The following RFC3 variants were observed in gnomAD, a reference collection of about 807,000 sequenced individuals.
RFC3 encodes the protein replication factor C subunit 3, also known as A1 38 kDa subunit.
Under a neutral mutation model 45.1 loss-of-function variants are expected in RFC3, and 41 were observed. The observed-to-expected ratio is 0.91, with a 90% CI of 0.71 to 1.18. The LOEUF is 1.18. Among genes scored for constraint, RFC3 ranks in the 50% most tolerant of loss-of-function variants. RFC3 has a pLI of 0.00. For synonymous variants in RFC3, 149 were observed against 144.0 expected, an observed-to-expected ratio of 1.03 and a Z score of -0.25; for missense variants, 423 against 428.1, an observed-to-expected ratio of 0.99 and a Z score of 0.10.
intron 8 of RFC3, among the ~76,000 whole-genome samples, chr13:33,881,581 G>A (rs529397700): frequency 2.9e-4 from 44 of 151,858 alleles, no homozygotes; most frequent in Non-Finnish European, 5.3e-4. Flanking sequence ...CTTTCAGTAG[G>A]ATCCGGCCAG....
At chr13:33,885,213 A>G (rs1446556029) in intron 8 of RFC3, among the ~76,000 whole-genome samples, 2 of 152,230 alleles carry the variant, frequency 1.3e-5, no homozygotes, top group South Asian at 2.1e-4. Context: ...CTATCATGGT[A>G]TCACATTATA....
At chr13:33,916,844 T>C (rs1411597182) in intron 8 of RFC3, among the ~76,000 whole-genome samples, 2 of 152,190 alleles carry the variant, frequency 1.3e-5, no homozygotes, top group African/African-American at 2.4e-5. Flanking sequence ...GTATGTGCAC[T>C]AAATGTTTTT....
At chr13:33,952,076 G>A (rs2082994640) in intron 8 of RFC3, among the ~76,000 whole-genome samples, 1 of 152,182 alleles carries the variant, frequency 6.6e-6, no homozygotes, top group African/African-American at 2.4e-5. Flanking sequence ...GCCTACTAAT[G>A]TAAAGCACTG....
At chr13:33,941,113 A>G (rs2082921327) in intron 8 of RFC3, among the ~76,000 whole-genome samples, 1 of 152,148 alleles carries the variant, frequency 6.6e-6, no homozygotes, top group South Asian at 2.1e-4. Context: ...GGATGGAGCT[A>G]TGGGGAATTC....
the RFC3 span, among the ~76,000 whole-genome samples, chr13:33,977,021 T>C: frequency 3.9e-5 from 6 of 152,072 alleles, 1 homozygote; most frequent in South Asian, 1.2e-3. Context: ...TTCCAAAAAT[T>C]CACAATACCA....
chr13:33,968,500 A>G (rs4941775), downstream of RFC3, among the ~76,000 whole-genome samples: 141,994 of 152,264 alleles, frequency 0.93, 66,982 homozygotes, highest in East Asian at 1. Context: ...TCAACGAGTA[A>G]GTTCACAGAA....
intron 8 of RFC3, among the ~76,000 whole-genome samples, chr13:33,851,886 A>G (rs1404982840): frequency 1.3e-5 from 2 of 152,240 alleles, no homozygotes; most frequent in Admixed American, 6.5e-5. Context: ...AACAGACCTA[A>G]GTATGAATCC....
intron 8 of RFC3, among the ~76,000 whole-genome samples, chr13:33,962,754 T>C (rs927291925): frequency 1.3e-5 from 2 of 152,202 alleles, no homozygotes; most frequent in African/African-American, 4.8e-5. Context: ...TATGTATGTA[T>C]GTATGTATAG....
chr13:33,860,915 A>ATTT (rs34102628), intron 8 of RFC3, among the ~76,000 whole-genome samples: 2 of 150,432 alleles, frequency 1.3e-5, no homozygotes, highest in African/African-American at 4.9e-5. Flanking sequence ...ATATATATAT[A>ATTT]TTTTTTTACC....
chr13:33,922,681 C>T (rs950990919), intron 8 of RFC3, among the ~76,000 whole-genome samples: 1 of 151,972 alleles, frequency 6.6e-6, no homozygotes, highest in Non-Finnish European at 1.5e-5. Context: ...AGTAGCTAGT[C>T]AAATAATCTT....
chr13:33,972,493 A>T, the RFC3 span, among the ~76,000 whole-genome samples: 1 of 152,170 alleles, frequency 6.6e-6, no homozygotes, highest in African/African-American at 2.4e-5. Context: ...GTTTGACTTT[A>T]TGTTTTTTGT....
At chr13:33,920,128 A>C (rs897606239) in intron 8 of RFC3, among the ~76,000 whole-genome samples, 1 of 152,130 alleles carries the variant, frequency 6.6e-6, no homozygotes, top group African/African-American at 2.4e-5. Context: ...AAGGGAGAGA[A>C]TGTTTGGCTA....
chr13:33,945,591 G>A (rs1452346088), intron 8 of RFC3, among the ~76,000 whole-genome samples: 1 of 152,104 alleles, frequency 6.6e-6, no homozygotes, highest in African/African-American at 2.4e-5. Context: ...GCATTATGAT[G>A]TTTTTAATTT....
chr13:33,853,052 G>A (rs2082286161), intron 8 of RFC3, among the ~76,000 whole-genome samples: 1 of 152,168 alleles, frequency 6.6e-6, no homozygotes. Context: ...GTATAACAGA[G>A]CACTAGAGGG....
chr13:33,866,599 C>A (rs2082375207), intron 8 of RFC3, among the ~76,000 whole-genome samples: 1 of 152,124 alleles, frequency 6.6e-6, no homozygotes, highest in Admixed American at 6.5e-5. Context: ...AAGCTGGAGC[C>A]CCTTGAGTAA....
intron 8 of RFC3, among the ~76,000 whole-genome samples, chr13:33,869,494 A>G (rs1390008288): frequency 1.3e-5 from 2 of 152,036 alleles, no homozygotes; most frequent in Non-Finnish European, 2.9e-5. Context: ...AATGACTTCT[A>G]TCAATAGAAA....
At chr13:33,881,586 G>A (rs1488223215) in intron 8 of RFC3, among the ~76,000 whole-genome samples, 1 of 151,768 alleles carries the variant, frequency 6.6e-6, no homozygotes, top group Non-Finnish European at 1.5e-5. Context: ...AGTAGGATCC[G>A]GCCAGTTGTC....
intron 8 of RFC3, among the ~76,000 whole-genome samples, chr13:33,899,084 A>G (rs1484656497): frequency 1.3e-5 from 2 of 151,606 alleles, no homozygotes; most frequent in African/African-American, 4.8e-5. Flanking sequence ...TTTAAAGAAG[A>G]ACTAACACCA....
chr13:33,925,804 G>C (rs67622074), intron 8 of RFC3, among the ~76,000 whole-genome samples: 40,965 of 151,504 alleles, frequency 0.27, 8,186 homozygotes, highest in African/African-American at 0.54. Context: ...TGAACCCCCC[G>C]ACCAACCACC....
Sources: gnomAD v4.1 joint callset for allele counts (sites outside exome capture counted in the v4.1 genomes callset) on GRCh38, gnomAD v4.1.1 for gene constraint, MANE v1.5 for transcripts, NCBI Gene and HGNC (gene_info 2026-07-23, HGNC 2026-07-21) for gene names.